ULK4: variants seen among roughly 807,000 people sequenced by gnomAD.
The protein encoded by ULK4 is inactive serine/threonine-protein kinase ULK4.
Under a neutral mutation model 160.6 loss-of-function variants are expected in ULK4, and 133 were observed. The observed-to-expected ratio is 0.83, with a 90% CI of 0.72 to 0.96. The LOEUF is 0.96. Ranked by LOEUF, ULK4 falls within the 40% of genes least tolerant of loss-of-function variation. ULK4 has a pLI of 0.00. For synonymous variants in ULK4, 534 were observed against 539.8 expected (o/e 0.99, Z 0.15); for missense variants, 1,580 against 1,499.5 (o/e 1.05, Z -0.89).
intron 31 of ULK4, among the ~76,000 whole-genome samples, chr3:41,600,386 AAAG>A (rs1349386294): frequency 6.6e-6 from 1 of 152,246 alleles, no homozygotes; most frequent in Admixed American, 6.5e-5. Context: ...CAACTGCTCT[AAAG>A]AAGTATGGGT....
chr3:41,477,184 T>C (rs1009450827), intron 32 of ULK4, among the ~76,000 whole-genome samples: 2 of 152,228 alleles, frequency 1.3e-5, no homozygotes, highest in Non-Finnish European at 2.9e-5. Flanking sequence ...CCAAGATTTA[T>C]TTTGTATGAA....
intron 32 of ULK4, among the ~76,000 whole-genome samples, chr3:41,466,181 C>T (rs976650472): frequency 1.3e-5 from 2 of 152,142 alleles, no homozygotes; most frequent in South Asian, 2.1e-4. Context: ...AGAATTCCTG[C>T]TTCTGACTGG....
chr3:41,546,766 TTAAA>T (rs1225765223), intron 32 of ULK4, among the ~76,000 whole-genome samples: 2,854 of 122,222 alleles, frequency 0.023, 88 homozygotes, highest in Middle Eastern at 0.038. Flanking sequence ...CCCTAGGCCC[TTAAA>T]AAAAAAAAAA....
At chr3:41,387,524 T>A (rs2081846273) in intron 35 of ULK4, among the ~76,000 whole-genome samples, 1 of 152,044 alleles carries the variant, frequency 6.6e-6, no homozygotes, top group African/African-American at 2.4e-5. Context: ...CCCTCCCTAC[T>A]CCCCCAACTC....
chr3:41,692,568 T>C (rs1047781125), intron 27 of ULK4, among the ~76,000 whole-genome samples: 12 of 151,818 alleles, frequency 7.9e-5, no homozygotes, highest in Non-Finnish European at 1.8e-4. Flanking sequence ...TTTAATGGTA[T>C]TAAAATAAAT....
At chr3:41,930,818 A>T (rs1423517374) in intron 5 of ULK4, among the ~76,000 whole-genome samples, 1 of 152,230 alleles carries the variant, frequency 6.6e-6, no homozygotes, top group African/African-American at 2.4e-5. Context: ...CAGAATGGCA[A>T]TTATTAAAAA....
chr3:41,710,428 C>T (rs2037052941), intron 25 of ULK4, among the ~76,000 whole-genome samples: 1 of 152,136 alleles, frequency 6.6e-6, no homozygotes, highest in African/African-American at 2.4e-5. Flanking sequence ...TCCCCCTCCC[C>T]TGCCCCCAGC....
At chr3:41,261,866 C>T (rs946354090) in intron 35 of ULK4, among the ~76,000 whole-genome samples, 4 of 152,312 alleles carry the variant, frequency 2.6e-5, no homozygotes, top group South Asian at 2.1e-4. Flanking sequence ...TCTCTCCTGG[C>T]GCTCTTAGAT....
chr3:41,887,512 A>C (rs1350971750), intron 16 of ULK4, among the ~76,000 whole-genome samples: 1 of 152,082 alleles, frequency 6.6e-6, no homozygotes, highest in East Asian at 1.9e-4. Flanking sequence ...CAAAAAGCCT[A>C]AACACTTGTG....
At position 41,819,738 on chromosome 3, in the gene ULK4, C is replaced by A. The variant is rs1437051132; in HGVS notation, c.1765-232G>T. On this transcript the variant is annotated intron_variant, in intron 18 of 36. Transcript: ENST00000301831. Reference sequence around the variant, plus strand: ...GCATTATATATGATGTGGGTAAGATCCCCTCATTAGAAGGTAGATTTAAAA... The same window carrying A: ...GCATTATATATGATGTGGGTAAGATACCCTCATTAGAAGGTAGATTTAAAA... Among the ~76,000 whole-genome samples, 9 of 151,992 alleles carry A rather than the reference C, an allele frequency of 5.9e-5. No homozygotes were observed. In the East Asian group the frequency reaches 1.7e-3, roughly 29 times the overall value.
chr3:41,254,821 T>A (rs2078803370), intron 35 of ULK4, among the ~76,000 whole-genome samples: 2 of 150,372 alleles, frequency 1.3e-5, no homozygotes, highest in Admixed American at 6.6e-5. Context: ...AGGCAGAGGT[T>A]ACACTGAGCA....
At chr3:41,841,648 C>T (rs996024337) in intron 17 of ULK4, among the ~76,000 whole-genome samples, 15 of 152,166 alleles carry the variant, frequency 9.9e-5, no homozygotes, top group African/African-American at 3.6e-4. Flanking sequence ...AAAGAGACAG[C>T]GACCATCGAG....
At chr3:41,381,188 T>C (rs1056431595) in intron 35 of ULK4, among the ~76,000 whole-genome samples, 12 of 152,168 alleles carry the variant, frequency 7.9e-5, no homozygotes, top group African/African-American at 2.7e-4. Context: ...TCAAAGTCCA[T>C]AGAGAGGGTC....
chr3:41,919,826 CA>C lies in ULK4; in HGVS notation c.542-9del. 1 of 1,604,104 alleles carries C rather than the reference CA, an allele frequency of 6.2e-7. No homozygotes were observed. The highest frequency in any genetic ancestry group is 8.5e-7 in the Non-Finnish European group (1 of 1,172,256). ...CTGTATATACAGGAGATCCTAAAAG[CA>C]AAGTATGAAGAACAGCTCGGTTAGG... On this transcript the variant is annotated splice_polypyrimidine_tract_variant and intron_variant, in intron 5 of 36. Coordinates refer to ENST00000301831, the MANE Select transcript of ULK4 (RefSeq NM_017886.4).
chr3:41,911,280 T>G, intron 11 of ULK4, 37 bp downstream of exon 11: 1 of 1,596,892 alleles, frequency 6.3e-7, no homozygotes, highest in Non-Finnish European at 8.5e-7. Flanking sequence ...ATTTAACTTT[T>G]GTCTTGCACT....
chr3:41,614,492 G>A (rs139210851), intron 31 of ULK4, among the ~76,000 whole-genome samples: 82 of 152,262 alleles, frequency 5.4e-4, no homozygotes, highest in African/African-American at 1.8e-3. Flanking sequence ...TAACATCTCC[G>A]TTAGAGAGCT....
chr3:41,450,117 A>G (rs1272735523), intron 34 of ULK4, among the ~76,000 whole-genome samples: 1 of 152,106 alleles, frequency 6.6e-6, no homozygotes, highest in Non-Finnish European at 1.5e-5. Context: ...ATTTCTTATC[A>G]TAGTTAACTA....
chr3:41,842,959 A>G (rs1472993516), intron 17 of ULK4, among the ~76,000 whole-genome samples: 1 of 152,208 alleles, frequency 6.6e-6, no homozygotes, highest in Non-Finnish European at 1.5e-5. Flanking sequence ...TGCTGAAGCC[A>G]TCAGGCATCC....
chr3:41,513,142 T>C (rs753967512), intron 32 of ULK4, among the ~76,000 whole-genome samples: 1 of 152,060 alleles, frequency 6.6e-6, no homozygotes, highest in Non-Finnish European at 1.5e-5. Context: ...TATATAAAAA[T>C]GAACTGAAGA....
Sources: allele counts gnomAD v4.1 joint callset (sites outside exome capture counted in the v4.1 genomes callset), GRCh38; gene constraint gnomAD v4.1.1; transcripts MANE v1.5; gene names NCBI Gene and HGNC (gene_info 2026-07-23, HGNC 2026-07-21).